Variants in SMARCAL1 observed in about 807,000 individuals in gnomAD.
SMARCAL1 encodes ATP-driven annealing helicase.
A neutral mutation model predicts 94.5 loss-of-function variants in SMARCAL1; 58 were observed. The ratio of observed to expected loss-of-function variants is 0.61; its 90% CI spans 0.50 to 0.76. The LOEUF is 0.76. Among genes scored for constraint, SMARCAL1 ranks in the 30% least tolerant of loss-of-function variants. The pLI, the probability that SMARCAL1 is intolerant of heterozygous loss-of-function variation, is 0.00. For synonymous variants in SMARCAL1, 422 were observed against 455.1 expected (o/e 0.93, Z 0.93); for missense variants, 1,051 against 1,177.9 (o/e 0.89, Z 1.58).
At chr2:216,448,571 T>C (rs1364274502) in intron 11 of SMARCAL1, among the ~76,000 whole-genome samples, 4 of 152,220 alleles carry the variant, frequency 2.6e-5, no homozygotes, top group Non-Finnish European at 5.9e-5. Flanking sequence ...CAACAAAGAA[T>C]GCCTTCCTCA....
intron 6 of SMARCAL1, among the ~76,000 whole-genome samples, chr2:216,426,069 C>T (rs538793516): frequency 6.6e-6 from 1 of 152,322 alleles, no homozygotes; most frequent in South Asian, 2.1e-4. Context: ...GCCATGTTGG[C>T]CAGGCTGGTC....
intron 9 of SMARCAL1, among the ~76,000 whole-genome samples, chr2:216,437,081 TAAGA>T (rs1559127896): frequency 6.6e-6 from 1 of 152,262 alleles, no homozygotes; most frequent in Admixed American, 6.5e-5. Context: ...AGAAATGTTG[TAAGA>T]AAGAATAGAG....
chr2:216,456,267 C>G (rs1322835204), intron 12 of SMARCAL1, among the ~76,000 whole-genome samples: 1 of 152,204 alleles, frequency 6.6e-6, no homozygotes, highest in Non-Finnish European at 1.5e-5. Flanking sequence ...TTGGAAAACA[C>G]TCTGCAGGAT....
At chr2:216,450,290 C>T (rs1411952668) in intron 11 of SMARCAL1, among the ~76,000 whole-genome samples, 2 of 152,348 alleles carry the variant, frequency 1.3e-5, no homozygotes, top group South Asian at 2.1e-4. Flanking sequence ...GTGGTGGGCT[C>T]CTCCTGCCAA....
In SMARCAL1 at chr2:216,416,249, T is replaced by C. The variant is rs2106016234; in HGVS notation, c.812-8T>C. 11 of 1,613,230 alleles carry C rather than the reference T, an allele frequency of 6.8e-6. No individual in the cohort carries two copies. Among genetic ancestry groups the C allele is most frequent in the Non-Finnish European group, 9.3e-6 (11 of 1,179,236 alleles). On this transcript the variant is annotated splice_region_variant and splice_polypyrimidine_tract_variant and intron_variant, in intron 3 of 17. Coordinates refer to ENST00000357276, the MANE Select transcript of SMARCAL1 (RefSeq NM_014140.4). ...GTCAACAGTCATCAGTCCTCTGTTT[T>C]GTTTCAGATCCTGACACCAAGACGT...
intron 12 of SMARCAL1, among the ~76,000 whole-genome samples, chr2:216,457,096 C>G (rs929971739): frequency 1.3e-5 from 2 of 150,102 alleles, no homozygotes; most frequent in South Asian, 4.2e-4. Context: ...GAGACAAGGC[C>G]GTTACATAAT....
In SMARCAL1 at chr2:216,447,029, G is replaced by A. The variant is rs768077452; in HGVS notation, c.1722G>A (p.Arg574=). 2 of 1,613,956 alleles carry A rather than the reference G, an allele frequency of 1.2e-6. No homozygotes were observed. The highest frequency in any genetic ancestry group is 4.5e-5 in the East Asian group (2 of 44,818). Residue 574 remains arginine, a synonymous_variant, in exon 11 of 18, where the codon AGG becomes AGA. Transcript: ENST00000357276. ...AAMPVLKVAK[R]VILLSGTPAM... ...TGTTTGTCTTTTAGGTTGCCAAGAG[G>A]GTGATCCTGTTGTCGGGCACACCAG...
intron 6 of SMARCAL1, among the ~76,000 whole-genome samples, chr2:216,428,374 A>G (rs986883375): frequency 6.6e-6 from 1 of 152,202 alleles, no homozygotes; most frequent in African/African-American, 2.4e-5. Context: ...TCAAAAAGCA[A>G]GGTCAGTGCA....
chr2:216,469,526 C>T (rs112770317), intron 14 of SMARCAL1, among the ~76,000 whole-genome samples: 13 of 152,080 alleles, frequency 8.5e-5, no homozygotes, highest in African/African-American at 1.2e-4. Flanking sequence ...CCTCATGATC[C>T]GCCCGCCTCG....
chr2:216,457,162 A>G (rs1157509804), intron 12 of SMARCAL1, among the ~76,000 whole-genome samples: 1 of 152,242 alleles, frequency 6.6e-6, no homozygotes, highest in Non-Finnish European at 1.5e-5. Flanking sequence ...ATATGCACCC[A>G]ATACAGGAGC....
intron 14 of SMARCAL1, among the ~76,000 whole-genome samples, chr2:216,471,708 A>G (rs1694969152): frequency 6.6e-6 from 1 of 152,250 alleles, no homozygotes; most frequent in Admixed American, 6.5e-5. Flanking sequence ...GCAGTTTGAC[A>G]GTAAATTAAG....
At chr2:216,426,776 C>T (rs1483314643) in intron 6 of SMARCAL1, among the ~76,000 whole-genome samples, 1 of 152,180 alleles carries the variant, frequency 6.6e-6, no homozygotes, top group African/African-American at 2.4e-5. Context: ...TCTGATTTCT[C>T]CGCCAGTACT....
chr2:216,454,388 C>G (rs1363020475), intron 12 of SMARCAL1, among the ~76,000 whole-genome samples: 1 of 152,146 alleles, frequency 6.6e-6, no homozygotes, highest in Non-Finnish European at 1.5e-5. Context: ...TGAATACTTG[C>G]TCTGTGCTGG....
intron 3 of SMARCAL1, 122 bp from the exon 4 acceptor site, chr2:216,416,135 G>A (rs2106016119): frequency 2.5e-6 from 2 of 798,936 alleles, no homozygotes; most frequent in Non-Finnish European, 4.5e-6. Context: ...ATAGATCAGT[G>A]GGGGCTTGCT....
chr2:216,470,059 G>GTT (rs35801295), intron 14 of SMARCAL1, among the ~76,000 whole-genome samples: 18 of 151,850 alleles, frequency 1.2e-4, no homozygotes, highest in Non-Finnish European at 1.8e-4. Context: ...TCCTTTGCCT[G>GTT]TTTTTCTGTT....
chr2:216,468,094 AGTT>A, intron 14 of SMARCAL1, 48 bp downstream of exon 14: 1 of 1,335,230 alleles, frequency 7.5e-7, no homozygotes, highest in South Asian at 1.2e-5. Flanking sequence ...CCATGTCCCA[AGTT>A]GTTCTAAGCA....
At chr2:216,466,272 A>G (rs1307340283) in intron 13 of SMARCAL1, among the ~76,000 whole-genome samples, 1 of 152,128 alleles carries the variant, frequency 6.6e-6, no homozygotes, top group Non-Finnish European at 1.5e-5. Context: ...CCTTATACAT[A>G]CTTTCTCAAA....
intron 5 of SMARCAL1, among the ~76,000 whole-genome samples, chr2:216,421,541 T>C (rs2106021802): frequency 1.3e-5 from 2 of 152,204 alleles, no homozygotes; most frequent in Admixed American, 1.3e-4. Context: ...CACCTTGGCC[T>C]CCCAAAATGC....
At chr2:216,442,282 T>C (rs2106044637) in intron 10 of SMARCAL1, among the ~76,000 whole-genome samples, 1 of 152,136 alleles carries the variant, frequency 6.6e-6, no homozygotes, top group East Asian at 1.9e-4. Flanking sequence ...CCAGGCATGG[T>C]GGCACACACC....
Sources: gnomAD v4.1 joint callset for allele counts (sites outside exome capture counted in the v4.1 genomes callset) on GRCh38, gnomAD v4.1.1 for gene constraint, MANE v1.5 for transcripts, NCBI Gene and HGNC (gene_info 2026-07-23, HGNC 2026-07-21) for gene names.